NDRG3: variants seen among roughly 807,000 people sequenced by gnomAD.
NDRG3 encodes protein NDRG3.
A neutral mutation model predicts 57.2 loss-of-function variants in NDRG3; 23 were observed. The observed-to-expected ratio is 0.40, with a 90% CI of 0.29 to 0.57. NDRG3 has a LOEUF of 0.57. NDRG3 is among the 20% of genes least tolerant of loss of function. NDRG3 has a pLI of 0.42. For missense variants in NDRG3, 384 were observed against 457.3 expected (o/e 0.84, Z 1.46); for synonymous variants, 132 against 162.6 (o/e 0.81, Z 1.43).
At chr20:36,659,270 T>A (rs892179342) in intron 13 of NDRG3, among the ~76,000 whole-genome samples, 5 of 152,096 alleles carry the variant, frequency 3.3e-5, no homozygotes, top group African/African-American at 1.2e-4. Flanking sequence ...AAAGGCTATG[T>A]CATAAAGTTG....
At chr20:36,704,063 T>C (rs1217099189) in intron 3 of NDRG3, among the ~76,000 whole-genome samples, 1 of 152,130 alleles carries the variant, frequency 6.6e-6, no homozygotes, top group Admixed American at 6.6e-5. Flanking sequence ...TTTTATATTC[T>C]AATTTTTTCT....
At chr20:36,696,843 C>T (rs752047392) in intron 3 of NDRG3, among the ~76,000 whole-genome samples, 6 of 152,144 alleles carry the variant, frequency 3.9e-5, no homozygotes, top group Non-Finnish European at 5.9e-5. Flanking sequence ...GTAATCCTTC[C>T]GGACTTTTAT....
At chr20:36,691,176 G>A (rs767250333) in intron 3 of NDRG3, among the ~76,000 whole-genome samples, 18 of 152,158 alleles carry the variant, frequency 1.2e-4, no homozygotes, top group South Asian at 2.1e-4. Flanking sequence ...AACCTCATAA[G>A]AGCTTTGGTT....
intron 12 of NDRG3, among the ~76,000 whole-genome samples, chr20:36,662,644 C>T (rs1254971086): frequency 6.6e-6 from 1 of 152,206 alleles, no homozygotes; most frequent in Non-Finnish European, 1.5e-5. Context: ...ACTGCAGTTA[C>T]TGACAATGAC....
intron 9 of NDRG3, among the ~76,000 whole-genome samples, chr20:36,669,546 G>A (rs1388595596): frequency 6.6e-6 from 1 of 150,964 alleles, no homozygotes; most frequent in African/African-American, 2.4e-5. Context: ...TGTATTTTTA[G>A]TAGAGACAGG....
intron 9 of NDRG3, among the ~76,000 whole-genome samples, chr20:36,668,244 C>T (rs1001570080): frequency 2.0e-5 from 3 of 152,102 alleles, no homozygotes; most frequent in African/African-American, 7.2e-5. Flanking sequence ...CCTGTCTCAA[C>T]AAACAAACAA....
At chr20:36,685,037 A>G (rs1390485952) in intron 5 of NDRG3, among the ~76,000 whole-genome samples, 1 of 152,140 alleles carries the variant, frequency 6.6e-6, no homozygotes, top group African/African-American at 2.4e-5. Flanking sequence ...AGGGTGCCAC[A>G]TGAAAAGAAC....
At chr20:36,656,586 T>G in intron 13 of NDRG3, 54 bp from the exon 14 acceptor site, 1 of 1,593,058 alleles carries the variant, frequency 6.3e-7, no homozygotes, top group Non-Finnish European at 8.6e-7. Context: ...AGAGAATTGC[T>G]CTGAACACCC....
chr20:36,691,983 A>G (rs1448827861), intron 3 of NDRG3, among the ~76,000 whole-genome samples: 1 of 152,236 alleles, frequency 6.6e-6, no homozygotes, highest in Non-Finnish European at 1.5e-5. Context: ...CAATAAACAC[A>G]GAAACAAATC....
rs548783295 is a variant in NDRG3 at position 36,735,901 on chromosome 20, G to C, written c.-49+10144C>G. Among the ~76,000 whole-genome samples the C allele has an allele frequency of 2.8e-4, 42 of 151,640 alleles. No individual in the cohort carries two copies. In the East Asian group the frequency reaches 5.4e-3, roughly 20 times the overall value. ...TCAGGAGGCTGAGGCTTGAACCCAG[G>C]GGGTGGAGGTTGCAGTGAGCCGAGA... On this transcript the variant is annotated intron_variant, in intron 1 of 15. Coordinates refer to ENST00000349004, the MANE Select transcript of NDRG3 (RefSeq NM_032013.4).
chr20:36,701,846 C>A (rs1185467503), intron 3 of NDRG3, among the ~76,000 whole-genome samples: 1 of 146,270 alleles, frequency 6.8e-6, no homozygotes, highest in South Asian at 2.2e-4. Context: ...CTGTGCCCAG[C>A]TGAGACCCTG....
chr20:36,713,223 A>G (rs1984028313), intron 2 of NDRG3, among the ~76,000 whole-genome samples: 1 of 152,232 alleles, frequency 6.6e-6, no homozygotes, highest in African/African-American at 2.4e-5. Flanking sequence ...GAGGAAAAAA[A>G]TCAAGGAAAG....
chr20:36,719,405 G>A (rs1984458872), intron 2 of NDRG3, among the ~76,000 whole-genome samples: 1 of 137,606 alleles, frequency 7.3e-6, no homozygotes, highest in African/African-American at 2.7e-5. Context: ...CGAGCCTGGT[G>A]ACAGAGCAAG....
intron 3 of NDRG3, among the ~76,000 whole-genome samples, chr20:36,698,559 G>A (rs1982991995): frequency 6.6e-6 from 1 of 151,094 alleles, no homozygotes; most frequent in African/African-American, 2.4e-5. Context: ...CTGGGTGACA[G>A]AGCAAGACCC....
intron 8 of NDRG3, among the ~76,000 whole-genome samples, chr20:36,679,637 G>T (rs1981071393): frequency 6.6e-6 from 1 of 151,374 alleles, no homozygotes; most frequent in Non-Finnish European, 1.5e-5. Flanking sequence ...CCGAGTAGCT[G>T]GGATTACAGG....
chr20:36,681,005 C>T (rs1981239994), intron 7 of NDRG3, 103 bp from the exon 8 acceptor site: 11 of 856,606 alleles, frequency 1.3e-5, no homozygotes, highest in Non-Finnish European at 1.9e-5. Flanking sequence ...GCCTTAATGC[C>T]TCACATTTGA....
At chr20:36,671,490 T>A (rs140887303) in intron 8 of NDRG3, 93 bp from the exon 9 acceptor site, 1 of 921,376 alleles carries the variant, frequency 1.1e-6, no homozygotes, top group East Asian at 2.6e-5. Flanking sequence ...ATTATATATG[T>A]TATCTCTTTA....
intron 3 of NDRG3, among the ~76,000 whole-genome samples, chr20:36,698,116 C>A (rs1446362608): frequency 6.6e-6 from 1 of 151,826 alleles, no homozygotes; most frequent in Admixed American, 6.6e-5. Flanking sequence ...CAGGCACACG[C>A]CACCACACCT....
chr20:36,719,364 T>C (rs1394258857), intron 2 of NDRG3, among the ~76,000 whole-genome samples: 1 of 148,588 alleles, frequency 6.7e-6, no homozygotes, highest in East Asian at 2.0e-4. Flanking sequence ...GAGGCAGAGG[T>C]TGCAGTGAGC....
Sources: gnomAD v4.1 joint callset for allele counts (sites outside exome capture counted in the v4.1 genomes callset) on GRCh38, gnomAD v4.1.1 for gene constraint, MANE v1.5 for transcripts, NCBI Gene and HGNC (gene_info 2026-07-23, HGNC 2026-07-21) for gene names.